The following ARHGEF4 variants were observed in gnomAD, a reference collection of about 807,000 sequenced individuals.
ARHGEF4 encodes Rho guanine nucleotide exchange factor 4.
Under a neutral mutation model 162.0 loss-of-function variants are expected in ARHGEF4, and 119 were observed. The ratio of observed to expected loss-of-function variants is 0.73; its 90% confidence interval spans 0.63 to 0.86. ARHGEF4 has a LOEUF of 0.86. Ranked by LOEUF, ARHGEF4 falls within the 40% of genes least tolerant of loss-of-function variation. The probability of loss-of-function intolerance (pLI) is 0.00; values close to 1 mark genes in which losing one functional copy is unlikely to be tolerated. For synonymous variants in ARHGEF4, 1,014 were observed against 979.9 expected (o/e 1.03, Z -0.65); for missense variants, 2,488 against 2,456.0 (o/e 1.01, Z -0.28).
At chr2:131,023,423 A>G (rs1297803332) in intron 4 of ARHGEF4, among the ~76,000 whole-genome samples, 1 of 152,032 alleles carries the variant, frequency 6.6e-6, no homozygotes, top group Non-Finnish European at 1.5e-5. Flanking sequence ...ACAAAGCAAG[A>G]CCTCATCTTA....
At chr2:130,964,174 C>G (rs1456227090) in intron 4 of ARHGEF4, 1 of 985,158 alleles carries the variant, frequency 1.0e-6, no homozygotes, top group Non-Finnish European at 1.2e-6. Context: ...GTGTGGCGGC[C>G]GCGGAGGCAA....
intron 4 of ARHGEF4, among the ~76,000 whole-genome samples, chr2:130,999,156 TTTTC>T (rs1396755458): frequency 1.2e-4 from 18 of 151,342 alleles, no homozygotes; most frequent in African/African-American, 3.9e-4. Flanking sequence ...TTTTTTTGTT[TTTTC>T]TTTTTTTTTT....
In ARHGEF4 at chr2:130,841,005, G is replaced by A. The variant is rs1327859880; in HGVS notation, c.39+4013G>A. Among the ~76,000 whole-genome samples the A allele has an allele frequency of 5.9e-5, 9 of 152,282 alleles. 1 individual carries two copies. Among genetic ancestry groups the A allele is most frequent in the South Asian group, 4.1e-4 (2 of 4,830 alleles). ...AATATTGGTTGAACACCTACTATGC[G>A]CCAGATGTTGTTCTAGGCACTCATG... is the stretch of plus-strand genomic sequence containing the variant. On this transcript the variant is annotated intron_variant, in intron 1 of 13. Coordinates refer to ENST00000409359, the MANE Select transcript of ARHGEF4 (RefSeq NM_001367493.1).
At chr2:130,909,950 A>G (rs984977531) in intron 1 of ARHGEF4, among the ~76,000 whole-genome samples, 9 of 152,232 alleles carry the variant, frequency 5.9e-5, no homozygotes, top group African/African-American at 2.2e-4. Context: ...GGAAGAGTTC[A>G]AAAAGTATGG....
chr2:131,044,584 C>G, intron 12 of ARHGEF4, 42 bp downstream of exon 12: 1 of 1,527,942 alleles, frequency 6.5e-7, no homozygotes, highest in Admixed American at 2.0e-5. Flanking sequence ...CCAGGGCCCA[C>G]CCGGCGCTCC....
chr2:131,028,004 G>A lies in ARHGEF4; in HGVS notation c.4045G>A (p.Asp1349Asn). 1 of 1,614,112 alleles carries A rather than the reference G, an allele frequency of 6.2e-7. No homozygotes were observed. The highest frequency in any genetic ancestry group is 1.3e-5 in the African/African-American group (1 of 75,056). The change falls in exon 5 of 14, where the codon GAC (aspartate) becomes AAC (asparagine). Residue 1349 changes from aspartate (D) to asparagine (N), a missense_variant. By Grantham distance (23) the Asp-to-Asn change is conservative. Coordinates refer to ENST00000409359, the MANE Select transcript of ARHGEF4 (RefSeq NM_001367493.1). ...VCADEVGSEE[D>N]LYDDLHSSSH... ...CGCTGACGAAGTGGGGAGCGAGGAG[G>A]ACCTGTATGATGACCTGCACAGCTC...
rs755157281 is a variant in ARHGEF4, at chr2:130,915,611, C to T, written c.1665C>T (p.Thr555=). 84 of 1,550,404 alleles carry T rather than the reference C, an allele frequency of 5.4e-5. No individual in the cohort carries two copies. Among genetic ancestry groups the T allele is most frequent in the Non-Finnish European group, 7.0e-5 (80 of 1,147,002 alleles). Residue 555 remains threonine, a synonymous_variant, in exon 2 of 14, where the codon ACC becomes ACT. Coordinates refer to ENST00000409359, the MANE Select transcript of ARHGEF4 (RefSeq NM_001367493.1). ...GTGACAGTTCAGATGCCCCTGAGAC[C>T]ACCCAGAAATCAAGCGCAATAGACA... ...EVSDSSDAPE[T]TQKSSAIDTS...
At position 131,003,405 on chromosome 2, in the gene ARHGEF4, C is replaced by T. The variant is rs114497655; in HGVS notation, c.3986-24540C>T. On this transcript the variant is annotated intron_variant, in intron 4 of 13. Transcript: ENST00000409359. ...AGTTTCTTCCTTCTTGATCGTGACA[C>T]GCATCTCTCGTCATTTCTGCAGTAT... Among the ~76,000 whole-genome samples, 445 of 152,316 alleles carry T rather than the reference C, an allele frequency of 2.9e-3. 3 individuals carry two copies. Among genetic ancestry groups the T allele is most frequent in the African/African-American group, 0.01 (429 of 41,564 alleles).
In ARHGEF4 at chr2:130,916,762, A is replaced by C. The variant is rs566613414; in HGVS notation, c.2816A>C (p.Lys939Thr). The change falls in exon 2 of 14, where the codon AAG becomes ACG. Residue 939 changes from lysine to threonine, a missense_variant. Physicochemically the swap from Lys to Thr is moderately conservative, Grantham distance 78. This residue lies in a region of ARHGEF4 where 1,642 missense variants were observed against 1,481.5 expected (regional missense o/e 1.11). Transcript: ENST00000409359. ...CATGAACGTTCCCCAAGTTCTCCCA[A>C]GGGCGAGAAGGAGAAGAGCAGGCTG... The part of the protein sequence containing the change: ...NTHERSPSSP[K>T]GEKEKSRLRQ... 7.1e-6 allele frequency: 11 copies of C among 1,550,608 alleles called. No individual in the cohort carries two copies. In the South Asian group the frequency reaches 1.3e-4, roughly 18 times the overall value.
chr2:130,945,708 C>T (rs1683571082), intron 3 of ARHGEF4, among the ~76,000 whole-genome samples: 1 of 152,152 alleles, frequency 6.6e-6, no homozygotes, highest in Non-Finnish European at 1.5e-5. Context: ...CCCAGTCTAC[C>T]TGCTGCTGTT....
intron 1 of ARHGEF4, among the ~76,000 whole-genome samples, chr2:130,867,458 G>A (rs1045205446): frequency 6.6e-6 from 1 of 151,850 alleles, no homozygotes; most frequent in Non-Finnish European, 1.5e-5. Context: ...GGCTGGTCTC[G>A]AACTCCTGAC....
At chr2:130,936,303 A>G (rs944098439) in intron 3 of ARHGEF4, among the ~76,000 whole-genome samples, 1 of 152,184 alleles carries the variant, frequency 6.6e-6, no homozygotes, top group Non-Finnish European at 1.5e-5. Context: ...TTGCAGAACT[A>G]TTTCTCACAT....
At chr2:130,930,879 A>T in intron 2 of ARHGEF4, 73 bp from the exon 3 acceptor site, 1 of 1,437,870 alleles carries the variant, frequency 7.0e-7, no homozygotes, top group Non-Finnish European at 9.4e-7. Flanking sequence ...AACTAGGCAG[A>T]GGAAGGACAG....
At chr2:130,838,282 A>G (rs1680344859) in intron 1 of ARHGEF4, among the ~76,000 whole-genome samples, 1 of 152,192 alleles carries the variant, frequency 6.6e-6, no homozygotes, top group Admixed American at 6.5e-5. Flanking sequence ...CACACCTTTC[A>G]GGGTTAGTGT....
chr2:130,910,139 G>C (rs1479737286), intron 1 of ARHGEF4, among the ~76,000 whole-genome samples: 2 of 151,982 alleles, frequency 1.3e-5, no homozygotes, highest in African/African-American at 2.4e-5. Context: ...AACCACCATG[G>C]TACGTAATTA....
Position 131,038,978 on chromosome 2 carries a change from G to A in ARHGEF4, c.4251G>A (p.Trp1417Ter). 1.2e-6 allele frequency: 2 copies of A among 1,613,726 alleles called. No homozygotes were observed. Among genetic ancestry groups the A allele is most frequent in the Non-Finnish European group, 1.7e-6 (2 of 1,179,988 alleles). Residue 1417 changes from tryptophan to a stop codon, truncating the protein, a stop_gained, in exon 6 of 14, where the codon TGG (tryptophan) becomes TGA (stop). Transcript: ENST00000409359. LOFTEE classifies it high-confidence loss of function. ...TGATGGATGCCACCAACAGAGAGTG[G>A]TGGTGGGGCCGGGTCGCCGATGGCG... ...IEVMDATNRE[W>*]WWGRVADGEG...
At chr2:130,839,721 C>T (rs772510146) in intron 1 of ARHGEF4, among the ~76,000 whole-genome samples, 1 of 152,144 alleles carries the variant, frequency 6.6e-6, no homozygotes. Context: ...AGAGGCCCTC[C>T]CAGCATCGTG....
At chr2:130,949,495 A>G (rs968469660) in intron 4 of ARHGEF4, among the ~76,000 whole-genome samples, 44 of 151,632 alleles carry the variant, frequency 2.9e-4, no homozygotes, top group Non-Finnish European at 1.8e-4. Flanking sequence ...CTGGGACTAC[A>G]GGGGCCCGCC....
intron 5 of ARHGEF4, among the ~76,000 whole-genome samples, chr2:131,038,187 C>T (rs1039697811): frequency 1.3e-5 from 2 of 152,164 alleles, no homozygotes; most frequent in African/African-American, 4.8e-5. Context: ...AGGCAATGCT[C>T]ATCCACAAGA....
Sources: gnomAD v4.1 joint callset for allele counts (sites outside exome capture counted in the v4.1 genomes callset) on GRCh38, gnomAD v4.1.1 for gene constraint, gnomAD v4.1.1 regional missense constraint, MANE v1.5 for transcripts, NCBI Gene and HGNC (gene_info 2026-07-23, HGNC 2026-07-21) for gene names.